Variants in HYDIN observed in about 807,000 individuals in gnomAD.
HYDIN encodes the protein axonemal central pair apparatus protein HYDIN.
A neutral mutation model predicts 403.9 loss-of-function variants in HYDIN; 132 were observed. That is an observed-to-expected ratio of 0.33 (90% confidence interval 0.28 to 0.38). The LOEUF is 0.38. HYDIN is among the 10% of genes least tolerant of loss of function. The probability of loss-of-function intolerance (pLI) is 1.00; values close to 1 mark genes in which losing one functional copy is unlikely to be tolerated. For missense variants in HYDIN, 2,827 were observed against 5,009.5 expected, an observed-to-expected ratio of 0.56 and a Z score of 13.15; for synonymous variants, 1,202 against 1,891.7, an observed-to-expected ratio of 0.64 and a Z score of 9.46.
chr16:70,868,723 G>T lies in HYDIN; in HGVS notation c.11157C>A (p.Ile3719=). The T allele has an allele frequency of 6.2e-7, 1 of 1,614,094 alleles. No homozygotes were observed. The highest frequency in any genetic ancestry group is 8.5e-7 in the Non-Finnish European group (1 of 1,180,016). ...ACCTGATCCGCATATTCTTTAGGTT[G>T]ATGGGTACATCTGACTTCATGGTCA... is the stretch of plus-strand genomic sequence containing the variant. ...IVVTMKSDVP[I]NLKNMRIRCK... Residue 3719 remains isoleucine (I), a synonymous_variant, in exon 66 of 86, where the codon ATC becomes ATA. Transcript: ENST00000393567.
At chr16:70,978,827 C>T (rs1401335775) in intron 30 of HYDIN, 87 bp downstream of exon 30, 57 of 988,210 alleles carry the variant, frequency 5.8e-5, no homozygotes, top group Non-Finnish European at 8.0e-5. Context: ...ACACTGTGCA[C>T]ACAGTGCCCT....
intron 47 of HYDIN, among the ~76,000 whole-genome samples, chr16:70,909,854 C>A (rs1384571511): frequency 6.6e-6 from 1 of 151,440 alleles, no homozygotes; most frequent in Admixed American, 6.6e-5. Context: ...TGCCACCACG[C>A]CTGACTAATT....
In HYDIN at chr16:70,908,341, G is replaced by A; in HGVS notation, c.8307C>T (p.Thr2769=). The part of the protein sequence containing the change: ...SSDEFGNFDQ[T]FNFEILGTCC... ...AAGTTCCTAGGATCTCAAAGTTAAA[G>A]GTTTGGTCAAAGTTCCCGAACTCAT... is the stretch of plus-strand genomic sequence containing the variant. Residue 2769 remains threonine (T), a synonymous_variant, in exon 49 of 86, where the codon ACC becomes ACT. Coordinates refer to ENST00000393567, the MANE Select transcript of HYDIN (RefSeq NM_001270974.2). 7.3e-7 allele frequency: 1 copy of A among 1,377,194 alleles called. No individual in the cohort carries two copies. Among genetic ancestry groups the A allele is most frequent in the Non-Finnish European group, 1.0e-6 (1 of 982,984 alleles). The allele number at this position is 1,377,194 out of a possible 1,614,324, so 85.3% of individuals were successfully genotyped here. A position where few individuals can be genotyped will look rare whatever the true frequency, so the allele number is the denominator to read the frequency against.
At chr16:71,207,959 C>T (rs1373551906) in intron 1 of HYDIN, among the ~76,000 whole-genome samples, 1 of 152,094 alleles carries the variant, frequency 6.6e-6, no homozygotes, top group African/African-American at 2.4e-5. Flanking sequence ...CTTAGTTTCA[C>T]AAACAATAAT....
intron 55 of HYDIN, among the ~76,000 whole-genome samples, chr16:70,893,011 T>G (rs1388780452): frequency 6.6e-6 from 1 of 152,142 alleles, no homozygotes; most frequent in Non-Finnish European, 1.5e-5. Flanking sequence ...AGGAAGAAGC[T>G]GGCTCATGAG....
chr16:71,017,406 T>G (rs1016943085), intron 23 of HYDIN, among the ~76,000 whole-genome samples: 1 of 151,730 alleles, frequency 6.6e-6, no homozygotes, highest in Non-Finnish European at 1.5e-5. Context: ...CTGTCTCTCC[T>G]GCTATCATGA....
Position 70,868,550 on chromosome 16 carries a change from T to A in HYDIN, c.11310+20A>T, listed in dbSNP as rs756536478. ...AAGCATGGAGGCCTGGTCAGATTGG[T>A]GCTTGATGTCCCCACTTACTTTTCG... On this transcript the variant is annotated intron_variant, in intron 66 of 85. Transcript: ENST00000393567. 7 of 1,602,774 alleles carry A rather than the reference T, an allele frequency of 4.4e-6. No individual in the cohort carries two copies. In the South Asian group the frequency reaches 7.8e-5, roughly 18 times the overall value.
rs372157226 is a variant in HYDIN, at chr16:70,807,798, C to G, written c.15148G>C (p.Val5050Leu). 1.9e-6 allele frequency: 3 copies of G among 1,614,128 alleles called. No individual in the cohort carries two copies. The highest frequency in any genetic ancestry group is 2.5e-6 in the Non-Finnish European group (3 of 1,180,034). The change falls in exon 86 of 86, where the codon GTG becomes CTG. Residue 5050 changes from valine (V) to leucine (L), a missense_variant. Transcript: ENST00000393567. ...TTATCCACGATGATGGAGAAGGTCA[C>G]CATGTGATAGAAGACATTCTTGAAG... ...IPFKNVFYHM[V>L]TFSIIVDNPA...
chr16:71,105,153 T>C (rs1305076321), intron 10 of HYDIN, among the ~76,000 whole-genome samples: 1 of 151,854 alleles, frequency 6.6e-6, no homozygotes, highest in Admixed American at 6.6e-5. Flanking sequence ...AGTCAATGAA[T>C]TAAAAACTGA....
intron 18 of HYDIN, among the ~76,000 whole-genome samples, chr16:71,049,558 T>C (rs548836560): frequency 1.7e-4 from 26 of 152,124 alleles, no homozygotes; most frequent in Non-Finnish European, 1.9e-4. Context: ...GAAAGAAACA[T>C]CCTCCATATC....
At chr16:70,997,759 C>G (rs1235107183) in intron 23 of HYDIN, among the ~76,000 whole-genome samples, 1 of 151,380 alleles carries the variant, frequency 6.6e-6, no homozygotes, top group African/African-American at 2.4e-5. Flanking sequence ...CACTGGGCAC[C>G]ATACCAAGCT....
At chr16:70,821,851 T>C (rs1005973633) in intron 83 of HYDIN, among the ~76,000 whole-genome samples, 8 of 152,158 alleles carry the variant, frequency 5.3e-5, no homozygotes, top group African/African-American at 1.9e-4. Flanking sequence ...GCACATCTGA[T>C]TTCTAATTAC....
intron 12 of HYDIN, among the ~76,000 whole-genome samples, chr16:71,082,340 C>G (rs1396827205): frequency 2.6e-5 from 4 of 152,040 alleles, no homozygotes; most frequent in South Asian, 2.1e-4. Flanking sequence ...GTTTGAAATG[C>G]TACAAACCAC....
At chr16:71,086,279 T>C (rs1246630994) in intron 12 of HYDIN, among the ~76,000 whole-genome samples, 11 of 152,312 alleles carry the variant, frequency 7.2e-5, no homozygotes, top group African/African-American at 2.6e-4. Context: ...CCCAAATACA[T>C]GAGTTCTTGC....
chr16:70,834,950 GTATA>G (rs1555539527), intron 78 of HYDIN, among the ~76,000 whole-genome samples: 2 of 130,928 alleles, frequency 1.5e-5, no homozygotes, highest in East Asian at 2.1e-4. Context: ...ACACATATAT[GTATA>G]TATATACACA....
chr16:70,999,970 A>C (rs1420577409), intron 23 of HYDIN, among the ~76,000 whole-genome samples: 1 of 152,042 alleles, frequency 6.6e-6, no homozygotes, highest in Non-Finnish European at 1.5e-5. Flanking sequence ...TGATCTTAGA[A>C]AGGCTGCCAA....
intron 55 of HYDIN, 58 bp downstream of exon 55, chr16:70,894,391 C>T: frequency 1.2e-6 from 2 of 1,609,076 alleles, no homozygotes; most frequent in Non-Finnish European, 1.7e-6. Context: ...CTCATATTTC[C>T]CCACATTCCT....
Position 70,901,125 on chromosome 16 carries a change from A to T in HYDIN, c.8927T>A (p.Leu2976Ter). The change falls in exon 53 of 86, where the codon TTG becomes TAG. Residue 2976 changes from leucine (L) to a stop codon, truncating the protein, a stop_gained. Transcript: ENST00000393567. LOFTEE classifies it high-confidence loss of function. The part of the protein sequence containing the change: ...VAWRITSLEH[L>*]GDDFTVSLMQ... ...CAGGGATACAGTGAAATCATCACCCAAGTGCTCCAGGCTGGTGATCCGCCA... is the reference window on the plus strand; with the variant it reads ...CAGGGATACAGTGAAATCATCACCCTAGTGCTCCAGGCTGGTGATCCGCCA... 1 of 880,950 alleles carries T rather than the reference A, an allele frequency of 1.1e-6. No homozygotes were observed. Among genetic ancestry groups the T allele is most frequent in the Non-Finnish European group, 1.8e-6 (1 of 548,314 alleles). 54.6% of individuals were successfully genotyped at this position (880,950 alleles called of 1,614,324 possible). A position where few individuals can be genotyped will look rare whatever the true frequency, so the allele number is the denominator to read the frequency against.
At chr16:71,014,353 AC>A (rs985291527) in intron 23 of HYDIN, among the ~76,000 whole-genome samples, 8 of 103,740 alleles carry the variant, frequency 7.7e-5, no homozygotes, top group Non-Finnish European at 1.4e-4. Flanking sequence ...ACGCTGACAT[AC>A]CCTCCGCCAA....
Sources: allele counts gnomAD v4.1 joint callset (sites outside exome capture counted in the v4.1 genomes callset), GRCh38; gene constraint gnomAD v4.1.1; transcripts MANE v1.5; gene names NCBI Gene and HGNC (gene_info 2026-07-23, HGNC 2026-07-21).